The following FER variants were observed in gnomAD, a reference collection of about 807,000 sequenced individuals.
FER encodes FER tyrosine kinase, also known as tyrosine-protein kinase Fer.
A neutral mutation model predicts 111.0 loss-of-function variants in FER; 63 were observed. That is an observed-to-expected ratio of 0.57 (90% CI 0.46 to 0.70). The LOEUF is 0.70. Among genes scored for constraint, FER ranks in the 30% least tolerant of loss-of-function variants. FER has a pLI of 0.00. For missense variants in FER, 914 were observed against 954.0 expected, an observed-to-expected ratio of 0.96 and a Z score of 0.55; for synonymous variants, 327 against 313.9, an observed-to-expected ratio of 1.04 and a Z score of -0.44.
chr5:108,929,457 T>C (rs968770454), intron 10 of FER, among the ~76,000 whole-genome samples: 1 of 152,206 alleles, frequency 6.6e-6, no homozygotes, highest in Non-Finnish European at 1.5e-5. Context: ...TACTGTTTAC[T>C]AGAATCACAG....
At chr5:108,854,495 C>A (rs1466324119) in intron 5 of FER, among the ~76,000 whole-genome samples, 1 of 152,214 alleles carries the variant, frequency 6.6e-6, no homozygotes, top group Non-Finnish European at 1.5e-5. Flanking sequence ...TGCCTTTACT[C>A]AAATTTTTTG....
intron 2 of FER, among the ~76,000 whole-genome samples, chr5:108,791,541 A>G (rs1218026843): frequency 1.4e-5 from 2 of 146,556 alleles, no homozygotes; most frequent in Non-Finnish European, 3.0e-5. Context: ...TATCATATAT[A>G]TATACACACA....
At position 109,044,754 on chromosome 5, in the gene FER, T is replaced by C. The variant is rs778420392; in HGVS notation, c.1788T>C (p.Asp596=). 1.3e-6 allele frequency: 2 copies of C among 1,590,008 alleles called. No homozygotes were observed. Among genetic ancestry groups the C allele is most frequent in the East Asian group, 2.3e-5 (1 of 44,050 alleles). The change falls in exon 15 of 20, where the codon GAT becomes GAC. Residue 596 remains aspartate (D), a synonymous_variant. Coordinates refer to ENST00000281092, the MANE Select transcript of FER (RefSeq NM_005246.4). Reference sequence around the variant, plus strand: ...TTGCTGTTAAAACATGTAAAGAAGATCTTCCTCAGGAATTGAAAATAAAAT... The same window carrying C: ...TTGCTGTTAAAACATGTAAAGAAGACCTTCCTCAGGAATTGAAAATAAAAT... The part of the protein sequence containing the change: ...TSVAVKTCKE[D]LPQELKIKFL...
rs143489268 is a variant in FER, at chr5:109,074,239, A to G, written c.1925-26157A>G. 7.5e-3 allele frequency among the ~76,000 whole-genome samples: 1,135 copies of G among 152,280 alleles called. 10 individuals carry two copies. Among genetic ancestry groups the G allele is most frequent in the African/African-American group, 0.027 (1,106 of 41,546 alleles). On this transcript the variant is annotated intron_variant, in intron 16 of 19. Coordinates refer to ENST00000281092, the MANE Select transcript of FER (RefSeq NM_005246.4). ...AATAAGGAAACTGAAGCAAAGAGAG[A>G]CTAAGTAATTAGCTGTCCAAGATTC...
At chr5:108,973,286 G>A (rs1036979343) in intron 13 of FER, among the ~76,000 whole-genome samples, 16 of 152,202 alleles carry the variant, frequency 1.1e-4, no homozygotes, top group Admixed American at 8.5e-4. Flanking sequence ...TCAAGGGAAC[G>A]ATTTAATTGT....
intron 10 of FER, among the ~76,000 whole-genome samples, chr5:108,906,038 C>T (rs541913646): frequency 1.3e-5 from 2 of 152,254 alleles, no homozygotes; most frequent in Admixed American, 1.3e-4. Flanking sequence ...GAGTCTTTGC[C>T]TCACCACTTA....
intron 17 of FER, among the ~76,000 whole-genome samples, chr5:109,136,705 T>C (rs1210639770): frequency 6.6e-6 from 1 of 152,128 alleles, no homozygotes; most frequent in Non-Finnish European, 1.5e-5. Context: ...CAGAGCTTCA[T>C]TCAAGGTTTT....
At chr5:108,783,396 A>G (rs893638622) in intron 2 of FER, among the ~76,000 whole-genome samples, 5 of 152,020 alleles carry the variant, frequency 3.3e-5, no homozygotes, top group African/African-American at 9.7e-5. Context: ...CATTTTTACG[A>G]TGGTTGTTTT....
At chr5:108,751,686 C>CT (rs1195743826) in intron 1 of FER, among the ~76,000 whole-genome samples, 1 of 152,056 alleles carries the variant, frequency 6.6e-6, no homozygotes, top group Non-Finnish European at 1.5e-5. Context: ...CAAAGGTGAA[C>CT]TTTTTTTAGT....
chr5:108,954,633 A>G (rs907477188), intron 11 of FER, 96 bp from the exon 12 acceptor site: 5 of 914,498 alleles, frequency 5.5e-6, no homozygotes, highest in Admixed American at 6.3e-5. Context: ...AAAGGGAGGA[A>G]CATTTGTAAG....
At chr5:109,012,345 A>G (rs1187613440) in intron 13 of FER, among the ~76,000 whole-genome samples, 2 of 152,156 alleles carry the variant, frequency 1.3e-5, no homozygotes, top group South Asian at 2.1e-4. Context: ...CTTATTTAGT[A>G]TGTTTTTCAT....
intron 10 of FER, among the ~76,000 whole-genome samples, chr5:108,913,597 A>G (rs560445523): frequency 4.8e-4 from 73 of 152,342 alleles, no homozygotes; most frequent in Non-Finnish European, 9.3e-4. Context: ...CCTATTGGGC[A>G]GTGTCTACTA....
chr5:108,881,207 G>A (rs867176759), intron 8 of FER, among the ~76,000 whole-genome samples: 3 of 152,084 alleles, frequency 2.0e-5, no homozygotes, highest in Admixed American at 6.6e-5. Flanking sequence ...CTGTTTTCAC[G>A]ATGCTGATAA....
chr5:108,993,660 A>AGGGCGG (rs1763621133), intron 13 of FER, among the ~76,000 whole-genome samples: 1 of 120,238 alleles, frequency 8.3e-6, no homozygotes, highest in Admixed American at 8.4e-5. Context: ...GGCGAGGGCG[A>AGGGCGG]GGGTGAGGGA....
At chr5:108,761,976 T>C (rs969085638) in intron 1 of FER, among the ~76,000 whole-genome samples, 24 of 152,128 alleles carry the variant, frequency 1.6e-4, no homozygotes, top group Admixed American at 8.5e-4. Context: ...AGTGGCATGA[T>C]CTCAGCTCAC....
At chr5:108,771,458 C>G (rs1752891314) in intron 2 of FER, among the ~76,000 whole-genome samples, 1 of 152,258 alleles carries the variant, frequency 6.6e-6, no homozygotes, top group South Asian at 2.1e-4. Context: ...GATTATTCCA[C>G]TTCCTTCTCC....
chr5:108,872,960 A>T (rs570529912), intron 8 of FER, among the ~76,000 whole-genome samples: 1 of 152,258 alleles, frequency 6.6e-6, no homozygotes, highest in South Asian at 2.1e-4. Flanking sequence ...TAGACATGTT[A>T]TATCATATCA....
At chr5:109,173,766 C>T (rs540319306) in intron 17 of FER, among the ~76,000 whole-genome samples, 8 of 142,094 alleles carry the variant, frequency 5.6e-5, no homozygotes, top group Non-Finnish European at 1.2e-4. Flanking sequence ...TCCCCCCCCC[C>T]CACAAGTAAC....
At chr5:108,778,801 GA>G (rs1243158872) in intron 2 of FER, among the ~76,000 whole-genome samples, 12 of 152,124 alleles carry the variant, frequency 7.9e-5, no homozygotes, top group African/African-American at 2.7e-4. Context: ...TCAAAGAGCA[GA>G]AAATATAATT....
Sources: gnomAD v4.1 joint callset for allele counts (sites outside exome capture counted in the v4.1 genomes callset) on GRCh38, gnomAD v4.1.1 for gene constraint, MANE v1.5 for transcripts, NCBI Gene and HGNC (gene_info 2026-07-23, HGNC 2026-07-21) for gene names.